The following NR4A1 variants were observed in gnomAD, a reference collection of about 807,000 sequenced individuals.
NR4A1 encodes nuclear receptor subfamily 4immunitygroup A member 1.
In NR4A1, 24 loss-of-function variants were observed where a neutral mutation model predicts 47.5. That is an observed-to-expected ratio of 0.50 (90% CI 0.37 to 0.71). The LOEUF (loss-of-function observed/expected upper bound fraction) is 0.71, where lower values mean the gene tolerates loss of function less well. Among genes scored for constraint, NR4A1 ranks in the 30% least tolerant of loss-of-function variants. The probability of loss-of-function intolerance (pLI) is 0.00; values close to 1 mark genes in which losing one functional copy is unlikely to be tolerated. For missense variants in NR4A1, 669 were observed against 788.6 expected (o/e 0.85, Z 1.82); for synonymous variants, 353 against 345.7 (o/e 1.02, Z -0.24).
chr12:52,056,437 G>C, intron 3 of NR4A1, 57 bp from the exon 4 acceptor site: 1 of 1,589,958 alleles, frequency 6.3e-7, no homozygotes, highest in South Asian at 1.1e-5. Flanking sequence ...CACGGCTTGG[G>C]CTGAGAGGCC....
chr12:52,056,303 G>A, intron 3 of NR4A1, 144 bp downstream of exon 3: 1 of 1,391,744 alleles, frequency 7.2e-7, no homozygotes, highest in Non-Finnish European at 9.7e-7. Context: ...GGCCTTGGAG[G>A]GAGGCAGCCT....
At chr12:52,031,740 T>C (rs1938130128) in intron 1 of NR4A1, among the ~76,000 whole-genome samples, 1 of 151,648 alleles carries the variant, frequency 6.6e-6, no homozygotes, top group Admixed American at 6.6e-5. Context: ...CTCACTGACA[T>C]CCTCCATTTC....
chr12:52,058,135 C>T (rs1170671420), intron 6 of NR4A1, among the ~76,000 whole-genome samples: 1 of 152,228 alleles, frequency 6.6e-6, no homozygotes, highest in Non-Finnish European at 1.5e-5. Context: ...TTCACTGTGA[C>T]TTCTGACAGT....
intron 1 of NR4A1, among the ~76,000 whole-genome samples, chr12:52,041,242 T>C (rs1436306127): frequency 6.6e-6 from 1 of 152,182 alleles, no homozygotes; most frequent in Non-Finnish European, 1.5e-5. Flanking sequence ...GATGTCATCA[T>C]TTTTACAGAT....
chr12:52,023,360 G>A (rs917487744), intron 1 of NR4A1, among the ~76,000 whole-genome samples: 11 of 152,318 alleles, frequency 7.2e-5, no homozygotes, highest in African/African-American at 2.4e-4. Flanking sequence ...TCCCTCCTGG[G>A]CGTGCCGCCG....
intron 6 of NR4A1, 51 bp downstream of exon 6, chr12:52,057,581 G>C (rs1034707768): frequency 1.9e-6 from 3 of 1,601,340 alleles, no homozygotes; most frequent in Non-Finnish European, 1.7e-6. Context: ...TCAGGGGGTT[G>C]ACTGGTTCTC....
At chr12:52,048,016 T>C (rs1421817415), upstream of NR4A1, among the ~76,000 whole-genome samples, 1 of 151,138 alleles carries the variant, frequency 6.6e-6, no homozygotes, top group African/African-American at 2.4e-5. Flanking sequence ...TAGCTGGGTG[T>C]GGTGGCAGGC....
intron 1 of NR4A1, among the ~76,000 whole-genome samples, chr12:52,033,694 C>T (rs556606002): frequency 3.9e-5 from 6 of 152,222 alleles, no homozygotes; most frequent in African/African-American, 9.6e-5. Context: ...AGCCCCTGAG[C>T]CCTGAGACAG....
rs1939414497 is a variant in NR4A1, at chr12:52,058,844, G to A, written c.1697G>A (p.Cys566Tyr). 4 of 1,613,934 alleles carry A rather than the reference G, an allele frequency of 2.5e-6. No individual in the cohort carries two copies. The highest frequency in any genetic ancestry group is 1.3e-5 in the African/African-American group (1 of 74,948). ...LGKLPELRTL[C>Y]TQGLQRIFYL... Reference sequence around the variant, plus strand: ...AAACTGCCCGAGCTGCGGACCCTGTGCACCCAGGGCCTGCAGCGCATCTTC... The same window carrying A: ...AAACTGCCCGAGCTGCGGACCCTGTACACCCAGGGCCTGCAGCGCATCTTC... The change falls in exon 7 of 7, where the codon TGC becomes TAC. Residue 566 changes from cysteine to tyrosine, a missense_variant. Coordinates refer to ENST00000394825, the MANE Select transcript of NR4A1 (RefSeq NM_173157.3).
chr12:52,036,355 G>T (rs1012422247), intron 1 of NR4A1, among the ~76,000 whole-genome samples: 2 of 152,202 alleles, frequency 1.3e-5, no homozygotes, highest in Non-Finnish European at 2.9e-5. Context: ...TGGTCACGGT[G>T]GTGGGCCTCT....
At chr12:52,044,443 G>C (rs566149804) in intron 2 of NR4A1, among the ~76,000 whole-genome samples, 3 of 152,340 alleles carry the variant, frequency 2.0e-5, no homozygotes, top group East Asian at 3.9e-4. Flanking sequence ...CCGCCAACCA[G>C]CTTGCCACAA....
chr12:52,049,123 G>A (rs578072391), upstream of NR4A1, among the ~76,000 whole-genome samples: 1 of 152,282 alleles, frequency 6.6e-6, no homozygotes, highest in African/African-American at 2.4e-5. Context: ...CAGCATTACA[G>A]TCACCCCTTG....
intron 6 of NR4A1, 196 bp from the exon 7 acceptor site, chr12:52,058,492 T>A: frequency 1.5e-6 from 1 of 672,636 alleles, no homozygotes; most frequent in Non-Finnish European, 2.4e-6. Flanking sequence ...TCACTTGGAG[T>A]ATGAGGATAA....
In NR4A1 at chr12:52,057,420, G is replaced by T; in HGVS notation, c.1430G>T (p.Arg477Leu). 6.2e-7 allele frequency: 1 copy of T among 1,614,232 alleles called. No individual in the cohort carries two copies. Among genetic ancestry groups the T allele is most frequent in the Non-Finnish European group, 8.5e-7 (1 of 1,180,050 alleles). ...GLVLHRLQCA[R>L]GFGDWIDSIL... ...GTGCTACACCGGCTGCAGTGTGCCC[G>T]TGGCTTCGGGGACTGGATTGACAGT... Residue 477 changes from arginine to leucine, a missense_variant, in exon 6 of 7, where the codon CGT becomes CTT. Coordinates refer to ENST00000394825, the MANE Select transcript of NR4A1 (RefSeq NM_173157.3).
At chr12:52,036,920 C>G (rs543572095) in intron 1 of NR4A1, among the ~76,000 whole-genome samples, 2 of 152,316 alleles carry the variant, frequency 1.3e-5, no homozygotes, top group South Asian at 4.1e-4. Flanking sequence ...AAGGTGTGAG[C>G]GAGACCTCGG....
At position 52,054,906 on chromosome 12, in the gene NR4A1, G is replaced by A. The variant is rs1163831200; in HGVS notation, c.578G>A (p.Ser193Asn). Residue 193 changes from serine to asparagine, a missense_variant, in exon 2 of 7, where the codon AGT (serine) becomes AAT (asparagine). By Grantham distance (46) the Ser-to-Asn change is conservative (BLOSUM62 1). Coordinates refer to ENST00000394825, the MANE Select transcript of NR4A1 (RefSeq NM_173157.3). ...CAGCCTCCAGCCTTCTTTTCCTTCA[G>A]TCCTCCCACCGGCCCCAGCCCCAGC... ...PPQPPAFFSF[S>N]PPTGPSPSLA... The A allele has an allele frequency of 1.2e-6, 2 of 1,614,132 alleles. No individual in the cohort carries two copies. Among genetic ancestry groups the A allele is most frequent in the Non-Finnish European group, 1.7e-6 (2 of 1,180,022 alleles).
intron 1 of NR4A1, among the ~76,000 whole-genome samples, chr12:52,034,180 C>T (rs1308025509): frequency 6.6e-6 from 1 of 152,194 alleles, no homozygotes; most frequent in Non-Finnish European, 1.5e-5. Context: ...TTCTCTATAC[C>T]CTGCCTGGTC....
At chr12:52,047,059 C>G (rs1030214924), upstream of NR4A1, among the ~76,000 whole-genome samples, 1 of 152,076 alleles carries the variant, frequency 6.6e-6, no homozygotes, top group Non-Finnish European at 1.5e-5. Flanking sequence ...TGTCTCGTCT[C>G]CATCGTGACA....
chr12:52,043,658 C>T, intron 2 of NR4A1: 1 of 1,188,772 alleles, frequency 8.4e-7, no homozygotes, highest in Non-Finnish European at 1.1e-6. Context: ...TCCCCCCATC[C>T]CCAGAGGCCG....
Sources: gnomAD v4.1 joint callset for allele counts (sites outside exome capture counted in the v4.1 genomes callset) on GRCh38, gnomAD v4.1.1 for gene constraint, MANE v1.5 for transcripts, NCBI Gene and HGNC (gene_info 2026-07-23, HGNC 2026-07-21) for gene names.